Variants in OPCML observed in about 807,000 individuals in gnomAD.
OPCML encodes opioid binding protein/cell adhesion molecule like.
OPCML carries 13 observed loss-of-function variants against 37.8 expected under a neutral mutation model. The observed-to-expected ratio is 0.34, with a 90% CI of 0.22 to 0.55. The LOEUF is 0.55. Among genes scored for constraint, OPCML ranks in the 20% least tolerant of loss-of-function variants. OPCML has a pLI of 0.91. For synonymous variants in OPCML, 176 were observed against 168.8 expected (o/e 1.04, Z -0.33); for missense variants, 341 against 435.6 (o/e 0.78, Z 1.93).
intron 1 of OPCML, among the ~76,000 whole-genome samples, chr11:133,166,907 A>G (rs1230821781): frequency 6.6e-6 from 1 of 152,226 alleles, no homozygotes; most frequent in Non-Finnish European, 1.5e-5. Context: ...CTTGCACGCT[A>G]TCTAGAAGAA....
At chr11:132,627,422 A>G (rs184840322) in intron 3 of OPCML, among the ~76,000 whole-genome samples, 1 of 152,372 alleles carries the variant, frequency 6.6e-6, no homozygotes, top group Admixed American at 6.5e-5. Flanking sequence ...TTTTCTATAT[A>G]TAGCACAATC....
rs189771399 is a variant in OPCML at position 133,117,840 on chromosome 11, A to G, written c.62-174830T>C. On this transcript the variant is annotated intron_variant, in intron 1 of 7. Transcript: ENST00000524381. ...CTCTGGAATAATTACAATAATACCA[A>G]TAATAACTGATTCTAAAAGTATCAC... 111 of 983,404 alleles carry G rather than the reference A, an allele frequency of 1.1e-4. 1 individual carries two copies. The East Asian group carries it at 4.8e-3, about 42-fold the overall frequency. The allele number at this position is 983,404 out of a possible 1,614,324, so 60.9% of individuals were successfully genotyped here.
intron 2 of OPCML, among the ~76,000 whole-genome samples, chr11:132,878,209 G>A (rs999418149): frequency 5.3e-5 from 8 of 151,970 alleles, no homozygotes; most frequent in African/African-American, 1.7e-4. Flanking sequence ...ATTGGCTGGC[G>A]GTAGTTCTCT....
intron 3 of OPCML, among the ~76,000 whole-genome samples, chr11:132,606,482 G>C (rs1165040847): frequency 6.6e-6 from 1 of 152,144 alleles, no homozygotes; most frequent in African/African-American, 2.4e-5. Flanking sequence ...TGCGGGGTTT[G>C]CTTTGTAATT....
chr11:133,491,112 T>A (rs1333348044), intron 1 of OPCML, among the ~76,000 whole-genome samples: 2 of 152,152 alleles, frequency 1.3e-5, no homozygotes, highest in African/African-American at 4.8e-5. Flanking sequence ...GGAAAGTTGA[T>A]CAAAGGTCAA....
intron 2 of OPCML, among the ~76,000 whole-genome samples, chr11:132,834,182 A>C (rs1940875426): frequency 6.6e-6 from 1 of 152,174 alleles, no homozygotes; most frequent in Non-Finnish European, 1.5e-5. Flanking sequence ...AAAGGAAGAG[A>C]ATTACCTATT....
At chr11:133,125,733 T>C (rs573189690) in intron 1 of OPCML, among the ~76,000 whole-genome samples, 14 of 54,382 alleles carry the variant, frequency 2.6e-4, no homozygotes, top group South Asian at 5.5e-4. Context: ...ATAGTATATA[T>C]AGTATATATA....
intron 1 of OPCML, among the ~76,000 whole-genome samples, chr11:133,352,358 C>T (rs1315317646): frequency 2.0e-5 from 3 of 152,212 alleles, no homozygotes. Context: ...TTGTACCTGA[C>T]CTCTTCTTGG....
chr11:133,033,878 T>A (rs1947718430), intron 1 of OPCML, among the ~76,000 whole-genome samples: 2 of 151,510 alleles, frequency 1.3e-5, no homozygotes, highest in South Asian at 4.2e-4. Context: ...TATCCCCAAC[T>A]TAAAGATAAG....
chr11:133,496,258 T>C (rs571188994), intron 1 of OPCML, among the ~76,000 whole-genome samples: 260 of 152,362 alleles, frequency 1.7e-3, no homozygotes, highest in African/African-American at 6.1e-3. Context: ...CATTGGTCTA[T>C]GTGCCTATTT....
At chr11:133,276,129 T>C (rs868080413) in intron 1 of OPCML, among the ~76,000 whole-genome samples, 1 of 152,208 alleles carries the variant, frequency 6.6e-6, no homozygotes, top group Non-Finnish European at 1.5e-5. Context: ...GGAAAATATG[T>C]CTTTCTTTTG....
At chr11:132,533,336 G>A (rs961332673) in intron 3 of OPCML, among the ~76,000 whole-genome samples, 1 of 152,114 alleles carries the variant, frequency 6.6e-6, no homozygotes, top group Non-Finnish European at 1.5e-5. Context: ...ATGGGTAATA[G>A]CTAGGCAGAA....
chr11:133,311,516 G>A (rs892179614), intron 1 of OPCML, among the ~76,000 whole-genome samples: 3 of 152,192 alleles, frequency 2.0e-5, no homozygotes, highest in Non-Finnish European at 4.4e-5. Flanking sequence ...GGTACAATGG[G>A]ATGGGGTGTT....
chr11:132,738,651 G>C (rs1295244344), intron 2 of OPCML, among the ~76,000 whole-genome samples: 1 of 152,166 alleles, frequency 6.6e-6, no homozygotes, highest in African/African-American at 2.4e-5. Context: ...GCTCCCTGTG[G>C]TTCTGTAGAA....
At chr11:133,259,533 T>C (rs944305405) in intron 1 of OPCML, among the ~76,000 whole-genome samples, 9 of 152,332 alleles carry the variant, frequency 5.9e-5, no homozygotes, top group African/African-American at 1.9e-4. Context: ...CCTTGAAATC[T>C]GAGATGTAGA....
chr11:132,816,964 G>C (rs921539232), intron 2 of OPCML, among the ~76,000 whole-genome samples: 1 of 152,128 alleles, frequency 6.6e-6, no homozygotes, highest in African/African-American at 2.4e-5. Context: ...TCAGAAAGGC[G>C]TTTCTGTGCT....
chr11:133,460,920 A>T (rs1388131210), intron 1 of OPCML, among the ~76,000 whole-genome samples: 1 of 151,924 alleles, frequency 6.6e-6, no homozygotes, highest in Non-Finnish European at 1.5e-5. Context: ...AGGTGGTTTT[A>T]TACATTGAGA....
At chr11:133,186,241 C>T (rs188871307) in intron 1 of OPCML, among the ~76,000 whole-genome samples, 122 of 152,190 alleles carry the variant, frequency 8.0e-4, no homozygotes, top group African/African-American at 2.9e-3. Context: ...CCTGTAAGCT[C>T]CAAAAGAGAA....
chr11:133,016,222 G>C, intron 1 of OPCML, among the ~76,000 whole-genome samples: 1 of 152,256 alleles, frequency 6.6e-6, no homozygotes, highest in East Asian at 1.9e-4. Context: ...TCTCTGTTTT[G>C]GGCCTCACGA....
Sources: allele counts gnomAD v4.1 joint callset (sites outside exome capture counted in the v4.1 genomes callset), GRCh38; gene constraint gnomAD v4.1.1; transcripts MANE v1.5; gene names NCBI Gene and HGNC (gene_info 2026-07-23, HGNC 2026-07-21).